The following TEKT3 variants were observed in gnomAD, a reference collection of about 807,000 sequenced individuals.
The protein encoded by TEKT3 is tektin 3, also known as tektin-3.
A neutral mutation model predicts 49.8 loss-of-function variants in TEKT3; 49 were observed. The ratio of observed to expected loss-of-function variants is 0.98; its 90% CI spans 0.78 to 1.25. TEKT3 has a LOEUF of 1.25. TEKT3 is among the 50% of genes most tolerant of loss of function. The probability of loss-of-function intolerance (pLI) is 0.00; values close to 1 mark genes in which losing one functional copy is unlikely to be tolerated. For missense variants in TEKT3, 595 were observed against 629.5 expected, an observed-to-expected ratio of 0.95 and a Z score of 0.59; for synonymous variants, 225 against 237.2, an observed-to-expected ratio of 0.95 and a Z score of 0.47.
intron 8 of TEKT3, among the ~76,000 whole-genome samples, chr17:15,307,811 G>A (rs1193604541): frequency 6.6e-6 from 1 of 152,098 alleles, no homozygotes. Flanking sequence ...AGCATCTTAG[G>A]ACCTAAGAAT....
At chr17:15,330,804 G>A (rs1304016848) in intron 3 of TEKT3, among the ~76,000 whole-genome samples, 1 of 152,076 alleles carries the variant, frequency 6.6e-6, no homozygotes, top group Non-Finnish European at 1.5e-5. Context: ...ACCTCTTAAA[G>A]TGGTTGTTCT....
intron 7 of TEKT3, among the ~76,000 whole-genome samples, chr17:15,309,877 G>A (rs549453318): frequency 3.9e-5 from 6 of 152,206 alleles, no homozygotes; most frequent in African/African-American, 1.4e-4. Flanking sequence ...CTCTTGCCAA[G>A]TGTTGTTCCA....
At chr17:15,316,180 T>C (rs981297375) in intron 5 of TEKT3, among the ~76,000 whole-genome samples, 1 of 152,234 alleles carries the variant, frequency 6.6e-6, no homozygotes, top group Non-Finnish European at 1.5e-5. Context: ...ATTCTAGGAC[T>C]AGAAGGCCTT....
At chr17:15,339,248 G>A (rs1338013919) in intron 2 of TEKT3, among the ~76,000 whole-genome samples, 1 of 152,128 alleles carries the variant, frequency 6.6e-6, no homozygotes, top group Non-Finnish European at 1.5e-5. Context: ...CCCATCAGAT[G>A]TAGCCCCTGG....
In TEKT3 at chr17:15,308,659, C is replaced by G; in HGVS notation, c.1256+5G>C. On this transcript the variant is annotated splice_donor_5th_base_variant and intron_variant, in intron 8 of 8. Transcript: ENST00000395930. ...CGAGCCCCGAGCCTTCCCCTCCCAC[C>G]TTACCGTAGCTGAGCCATGTCTCGG... The G allele has an allele frequency of 8.1e-6, 13 of 1,603,190 alleles. No homozygotes were observed. The highest frequency in any genetic ancestry group is 1.1e-5 in the Non-Finnish European group (13 of 1,172,492).
Position 15,330,939 on chromosome 17 carries a change from T to A in TEKT3, c.579+68A>T. Reference sequence around the variant, plus strand: ...AGTAAAACATAAGTCAATAAATAAATAACCACAGTAACTCAACCAGTGGGT... The same window carrying A: ...AGTAAAACATAAGTCAATAAATAAAAAACCACAGTAACTCAACCAGTGGGT... On this transcript the variant is annotated intron_variant, in intron 3 of 8. Transcript: ENST00000395930. 3.6e-6 allele frequency: 5 copies of A among 1,403,438 alleles called. No individual in the cohort carries two copies. The South Asian group carries it at 7.4e-5, about 21-fold the overall frequency. 86.9% of individuals were successfully genotyped at this position (1,403,438 alleles called of 1,614,324 possible). A position where few individuals can be genotyped will look rare whatever the true frequency, so the allele number is the denominator to read the frequency against.
At position 15,331,000 on chromosome 17, in the gene TEKT3, G is replaced by T. The variant is rs916574466; in HGVS notation, c.579+7C>A. On this transcript the variant is annotated splice_region_variant and intron_variant, in intron 3 of 8. Transcript: ENST00000395930. ...AAAATTCAGTGTGTTCTATCATAAG[G>T]TCTTACCTGAAGAGGGGCTTCAGTC... is the stretch of plus-strand genomic sequence containing the variant. 9 of 1,600,486 alleles carry T rather than the reference G, an allele frequency of 5.6e-6. No individual in the cohort carries two copies. The Admixed American group carries it at 1.0e-4, about 18-fold the overall frequency.
chr17:15,322,056 A>T (rs1361345007), intron 4 of TEKT3, among the ~76,000 whole-genome samples: 1 of 152,028 alleles, frequency 6.6e-6, no homozygotes. Context: ...TGGAATGATG[A>T]ATAGTGGGAC....
At chr17:15,318,235 C>T (rs1445025287) in intron 5 of TEKT3, among the ~76,000 whole-genome samples, 1 of 151,868 alleles carries the variant, frequency 6.6e-6, no homozygotes, top group Non-Finnish European at 1.5e-5. Flanking sequence ...GTGATCTGCC[C>T]GCCCCGGCCT....
intron 3 of TEKT3, among the ~76,000 whole-genome samples, chr17:15,328,726 C>T (rs1911590005): frequency 6.6e-6 from 1 of 151,980 alleles, no homozygotes; most frequent in South Asian, 2.1e-4. Flanking sequence ...AACAGTAGAC[C>T]CAAATCATGA....
At chr17:15,336,856 G>T (rs1399771759) in intron 2 of TEKT3, among the ~76,000 whole-genome samples, 1 of 152,126 alleles carries the variant, frequency 6.6e-6, no homozygotes, top group East Asian at 1.9e-4. Context: ...CTTTGGAGGT[G>T]AAATGGTCAA....
chr17:15,305,669 C>T (rs537689719), intron 8 of TEKT3, among the ~76,000 whole-genome samples: 2 of 151,832 alleles, frequency 1.3e-5, no homozygotes, highest in South Asian at 4.2e-4. Context: ...TGAACCCCAA[C>T]GTAGGAAACA....
chr17:15,330,962 G>A (rs963789648), intron 3 of TEKT3, 45 bp downstream of exon 3: 2 of 1,501,972 alleles, frequency 1.3e-6, no homozygotes, highest in Non-Finnish European at 1.8e-6. Context: ...TCAACCAGTG[G>A]GTTATAATCA....
chr17:15,325,564 C>T (rs1911454489), intron 4 of TEKT3, among the ~76,000 whole-genome samples: 1 of 151,974 alleles, frequency 6.6e-6, no homozygotes, highest in African/African-American at 2.4e-5. Context: ...GGTGTGGGAC[C>T]CAGCCATTGA....
intron 3 of TEKT3, 103 bp from the exon 4 acceptor site, chr17:15,328,178 A>G: frequency 1.0e-6 from 1 of 969,810 alleles, no homozygotes; most frequent in Non-Finnish European, 1.6e-6. Context: ...TACTCCCAAT[A>G]CCAACTTTTC....
At chr17:15,307,938 C>A (rs1460626916) in intron 8 of TEKT3, among the ~76,000 whole-genome samples, 3 of 152,078 alleles carry the variant, frequency 2.0e-5, no homozygotes, top group Admixed American at 2.0e-4. Context: ...ACAAGTCCAT[C>A]CCAAAATGAA....
At chr17:15,321,543 A>G (rs1911256817) in intron 4 of TEKT3, among the ~76,000 whole-genome samples, 2 of 152,194 alleles carry the variant, frequency 1.3e-5, no homozygotes, top group Admixed American at 1.3e-4. Flanking sequence ...GAAAGTTGCA[A>G]AAAGGTGGGG....
chr17:15,304,165 G>A lies in TEKT3; in HGVS notation c.1257-13C>T, dbSNP rs1391457574. ...CTCGTTAACAAGGCTGCAGCATAAA[G>A]GAATCAGCATGGTTAGGTCAGCATG... On this transcript the variant is annotated splice_polypyrimidine_tract_variant and intron_variant, in intron 8 of 8. Transcript: ENST00000395930. The surrounding 1 kb of genome is among the most constrained non-coding windows in gnomAD (Gnocchi z 4.7). 1.9e-6 allele frequency: 3 copies of A among 1,613,884 alleles called. No homozygotes were observed. Among genetic ancestry groups the A allele is most frequent in the African/African-American group, 1.3e-5 (1 of 74,932 alleles).
rs138232646 is a variant in TEKT3 at position 15,331,386 on chromosome 17, G to A, written c.200C>T (p.Pro67Leu). Reference sequence around the variant, plus strand: ...CACCCTCTGTGATCTGGTGCAGTACGGGGCCACGCTTGGGGAATTGGAGGC... The same window carrying A: ...CACCCTCTGTGATCTGGTGCAGTACAGGGCCACGCTTGGGGAATTGGAGGC... The part of the protein sequence containing the change: ...KVASNSPSVA[P>L]YCTRSQRVSE... The change falls in exon 3 of 9, where the codon CCG (proline) becomes CTG (leucine). Residue 67 changes from proline to leucine, a missense_variant. Pro to Leu is a moderately conservative substitution (Grantham distance 98, BLOSUM62 -3). Coordinates refer to ENST00000395930, the MANE Select transcript of TEKT3 (RefSeq NM_031898.3). 76 of 1,614,034 alleles carry A rather than the reference G, an allele frequency of 4.7e-5. No individual in the cohort carries two copies. In the Middle Eastern group the frequency reaches 4.9e-4, roughly 10 times the overall value.
Sources: gnomAD v4.1 joint callset for allele counts (sites outside exome capture counted in the v4.1 genomes callset) on GRCh38, gnomAD v4.1.1 for gene constraint, Gnocchi (gnomAD v3.1) non-coding constraint, MANE v1.5 for transcripts, NCBI Gene and HGNC (gene_info 2026-07-23, HGNC 2026-07-21) for gene names.